DCDC2: variants seen among roughly 807,000 people sequenced by gnomAD.
DCDC2 encodes doublecortin domain containing 2, also known as doublecortin domain-containing protein 2.
Under a neutral mutation model 50.2 loss-of-function variants are expected in DCDC2, and 40 were observed. That is an observed-to-expected ratio of 0.80 (90% CI 0.62 to 1.04). The LOEUF is 1.04. Among genes scored for constraint, DCDC2 ranks in the 50% least tolerant of loss-of-function variants. The pLI is 0.00. For synonymous variants in DCDC2, 234 were observed against 210.6 expected (o/e 1.11, Z -0.96); for missense variants, 570 against 581.9 (o/e 0.98, Z 0.21).
chr6:24,267,641 T>G (rs1004228060), intron 7 of DCDC2, among the ~76,000 whole-genome samples: 5 of 152,150 alleles, frequency 3.3e-5, no homozygotes, highest in Admixed American at 6.6e-5. Flanking sequence ...CAAAAGCCCC[T>G]GGAAATGGGA....
intron 2 of DCDC2, among the ~76,000 whole-genome samples, chr6:24,321,415 C>G (rs1469553920): frequency 6.6e-6 from 1 of 152,062 alleles, no homozygotes; most frequent in Non-Finnish European, 1.5e-5. Context: ...CAGACATCAC[C>G]GTAACCAACT....
intron 7 of DCDC2, among the ~76,000 whole-genome samples, chr6:24,269,277 G>A (rs1336436174): frequency 1.3e-5 from 2 of 152,194 alleles, no homozygotes; most frequent in African/African-American, 4.8e-5. Context: ...CTTTAGTAGT[G>A]TGCTGGTACT....
intron 7 of DCDC2, among the ~76,000 whole-genome samples, chr6:24,265,711 A>G (rs1763103120): frequency 6.6e-6 from 1 of 152,138 alleles, no homozygotes; most frequent in Non-Finnish European, 1.5e-5. Flanking sequence ...TTCTGCAAAC[A>G]AATGAAAATG....
At chr6:24,321,415 C>T (rs1469553920) in intron 2 of DCDC2, among the ~76,000 whole-genome samples, 2 of 152,062 alleles carry the variant, frequency 1.3e-5, no homozygotes, top group Admixed American at 6.5e-5. Flanking sequence ...CAGACATCAC[C>T]GTAACCAACT....
chr6:24,243,810 C>T (rs1424060149), intron 7 of DCDC2, among the ~76,000 whole-genome samples: 1 of 152,032 alleles, frequency 6.6e-6, no homozygotes, highest in Non-Finnish European at 1.5e-5. Flanking sequence ...CAGAGGCAAC[C>T]CCAAACCACA....
chr6:24,306,523 TAG>T (rs1759476388), intron 2 of DCDC2, among the ~76,000 whole-genome samples: 1 of 139,318 alleles, frequency 7.2e-6, no homozygotes, highest in South Asian at 2.2e-4. Context: ...GATAGATAGA[TAG>T]ATAGATAGAT....
chr6:24,359,035 T>A (rs1301128727), upstream of DCDC2, among the ~76,000 whole-genome samples: 2 of 45,360 alleles, frequency 4.4e-5, no homozygotes, highest in Admixed American at 4.2e-4. Context: ...TTTTATATTT[T>A]ATATATATTA....
chr6:24,202,897 A>G (rs887927904), intron 8 of DCDC2, among the ~76,000 whole-genome samples: 1 of 152,192 alleles, frequency 6.6e-6, no homozygotes, highest in African/African-American at 2.4e-5. Flanking sequence ...TGCTACAAAG[A>G]GAATAAAATA....
intron 6 of DCDC2, among the ~76,000 whole-genome samples, chr6:24,284,345 C>T (rs2113824663): frequency 6.6e-6 from 1 of 152,094 alleles, no homozygotes; most frequent in East Asian, 1.9e-4. Flanking sequence ...TGGTGGCTCA[C>T]GCCTCTCATC....
Position 24,253,361 on chromosome 6 carries a change from A to G in DCDC2, c.922+24688T>C, listed in dbSNP as rs375677424. 8.2e-4 allele frequency among the ~76,000 whole-genome samples: 125 copies of G among 152,338 alleles called. 1 individual carries two copies. The South Asian group carries it at 0.023, about 28-fold the overall frequency. On this transcript the variant is annotated intron_variant, in intron 7 of 9. Coordinates refer to ENST00000378454, the MANE Select transcript of DCDC2 (RefSeq NM_016356.5). Reference sequence around the variant, plus strand: ...GAAGATATAAGGAATACCTTTACACAAATAAATTTTAAAATTTAAGTGAAA... The same window carrying G: ...GAAGATATAAGGAATACCTTTACACGAATAAATTTTAAAATTTAAGTGAAA...
rs139521110 is a variant in DCDC2 at position 24,349,967 on chromosome 6, C to A, written c.348+3602G>T. Among the ~76,000 whole-genome samples, 14 of 152,134 alleles carry A rather than the reference C, an allele frequency of 9.2e-5. No individual in the cohort carries two copies. In the East Asian group the frequency reaches 2.7e-3, roughly 29 times the overall value. On this transcript the variant is annotated intron_variant, in intron 2 of 9. Coordinates refer to ENST00000378454, the MANE Select transcript of DCDC2 (RefSeq NM_016356.5). The stretch of plus-strand genomic sequence containing the variant: ...TCACCTTATTCCTCTTTCTTTTATT[C>A]TTCTGTTTCTTTATTCCCCCCCTCC...
chr6:24,205,120 C>T lies in DCDC2; in HGVS notation c.923-18G>A, dbSNP rs768651764. Reference sequence around the variant, plus strand: ...GCCTTCATCTATTGAGACAAACACACAGTGAAAATCAAAATCCAATTGTGA... The same window carrying T: ...GCCTTCATCTATTGAGACAAACACATAGTGAAAATCAAAATCCAATTGTGA... On this transcript the variant is annotated intron_variant, in intron 7 of 9. Transcript: ENST00000378454. 5 of 1,614,002 alleles carry T rather than the reference C, an allele frequency of 3.1e-6. No individual in the cohort carries two copies. In the Admixed American group the frequency reaches 6.7e-5, roughly 22 times the overall value.
chr6:24,289,620 A>T (rs1296517237), intron 5 of DCDC2, among the ~76,000 whole-genome samples: 1 of 152,212 alleles, frequency 6.6e-6, no homozygotes. Flanking sequence ...ATGGCTAAAG[A>T]TTTGATTTCA....
chr6:24,368,821 G>T, the DCDC2 span, among the ~76,000 whole-genome samples: 1 of 152,176 alleles, frequency 6.6e-6, no homozygotes, highest in South Asian at 2.1e-4. Flanking sequence ...TGGAATGTAT[G>T]ATTCATATAG....
intron 7 of DCDC2, among the ~76,000 whole-genome samples, chr6:24,250,982 T>A (rs115593523): frequency 8.1e-4 from 124 of 152,288 alleles, no homozygotes; most frequent in African/African-American, 2.6e-3. Flanking sequence ...TGAAAACAAC[T>A]GCAAGGAAAG....
chr6:24,216,748 T>C (rs1761991365), intron 7 of DCDC2, among the ~76,000 whole-genome samples: 1 of 152,248 alleles, frequency 6.6e-6, no homozygotes, highest in South Asian at 2.1e-4. Context: ...AATGCAAACA[T>C]TTGTACAGAA....
At chr6:24,378,513 T>TA in the DCDC2 span, among the ~76,000 whole-genome samples, 2 of 152,102 alleles carry the variant, frequency 1.3e-5, no homozygotes, top group Admixed American at 6.6e-5. Context: ...AGGCATGATA[T>TA]ATACTTCAGA....
At position 24,278,142 on chromosome 6, in the gene DCDC2, T is replaced by A. The variant is rs775868003; in HGVS notation, c.829A>T (p.Lys277Ter). 5 of 1,613,974 alleles carry A rather than the reference T, an allele frequency of 3.1e-6. No individual in the cohort carries two copies. In the Admixed American group the frequency reaches 8.3e-5, roughly 27 times the overall value. The change falls in exon 7 of 10, where the codon AAA becomes TAA. Residue 277 changes from lysine to a stop codon, truncating the protein, a stop_gained. Transcript: ENST00000378454. LOFTEE classifies it high-confidence loss of function. ...GAATTCACGTCTTCTTTTTTCCCTT[T>A]CCTCTTCAGGGGCTGAGGAGATGAG... ...DNSSPQPLKR[K>*]GKKEDVNSEK...
intron 7 of DCDC2, among the ~76,000 whole-genome samples, chr6:24,219,972 T>C (rs946660366): frequency 1.2e-4 from 18 of 152,220 alleles, no homozygotes; most frequent in Non-Finnish European, 2.2e-4. Flanking sequence ...GAAATAAAGA[T>C]GACCAAGGAT....
Sources: allele counts gnomAD v4.1 joint callset (sites outside exome capture counted in the v4.1 genomes callset), GRCh38; gene constraint gnomAD v4.1.1; transcripts MANE v1.5; gene names NCBI Gene and HGNC (gene_info 2026-07-23, HGNC 2026-07-21).